Variants in RIPK1 observed in about 807,000 individuals in gnomAD.
RIPK1 encodes receptor-interacting serine/threonine-protein kinase 1.
In RIPK1, 27 loss-of-function variants were observed where a neutral mutation model predicts 62.4. The observed-to-expected ratio is 0.43, with a 90% CI of 0.32 to 0.60. The LOEUF (loss-of-function observed/expected upper bound fraction) is 0.60, where lower values mean the gene tolerates loss of function less well. Ranked by LOEUF, RIPK1 falls within the 20% of genes least tolerant of loss-of-function variation. The pLI, the probability that RIPK1 is intolerant of heterozygous loss-of-function variation, is 0.07. For missense variants in RIPK1, 735 were observed against 831.0 expected (o/e 0.88, Z 1.42); for synonymous variants, 287 against 303.2 (o/e 0.95, Z 0.55).
chr6:3,085,878 T>G (rs550160172), intron 6 of RIPK1, among the ~76,000 whole-genome samples: 1 of 152,368 alleles, frequency 6.6e-6, no homozygotes, highest in African/African-American at 2.4e-5. Flanking sequence ...CCACTTGGCA[T>G]GATGTCCTCG....
intron 1 of RIPK1, among the ~76,000 whole-genome samples, chr6:3,071,512 T>G (rs531453018): frequency 6.6e-6 from 1 of 152,350 alleles, no homozygotes. Flanking sequence ...CATGGCTTTG[T>G]AATAATATGG....
At chr6:3,102,642 C>A (rs1180469371) in intron 7 of RIPK1, among the ~76,000 whole-genome samples, 1 of 152,110 alleles carries the variant, frequency 6.6e-6, no homozygotes, top group African/African-American at 2.4e-5. Flanking sequence ...CCTCTGTTGC[C>A]CAGGCTGGAA....
chr6:3,065,102 A>G (rs1468270688), upstream of RIPK1, among the ~76,000 whole-genome samples: 3 of 148,356 alleles, frequency 2.0e-5, no homozygotes, highest in Non-Finnish European at 4.4e-5. Context: ...AAAAGAATAC[A>G]AAAAAATAGC....
chr6:3,110,950 T>C lies in RIPK1; in HGVS notation c.1724T>C (p.Ile575Thr). ...GAGCCAGCTGCTAAGTACCAAGCTA[T>C]CTTTGGTAAGATACCCTGGAAGGAC... ...KEEPAAKYQA[I>T]FDNTTSLTDK... Residue 575 changes from isoleucine (I) to threonine (T), a missense_variant, in exon 10 of 11, where the codon ATC (isoleucine) becomes ACC (threonine). By Grantham distance (89) the Ile-to-Thr change is moderately conservative. This residue lies in a region of RIPK1 where 671 missense variants were observed against 726.2 expected (regional missense o/e 0.92). Coordinates refer to ENST00000259808, the MANE Select transcript of RIPK1 (RefSeq NM_001354930.2). 1 of 1,610,088 alleles carries C rather than the reference T, an allele frequency of 6.2e-7. No individual in the cohort carries two copies. Among genetic ancestry groups the C allele is most frequent in the African/African-American group, 1.3e-5 (1 of 74,896 alleles).
chr6:3,071,916 C>T (rs1448029434), intron 1 of RIPK1, among the ~76,000 whole-genome samples: 1 of 152,190 alleles, frequency 6.6e-6, no homozygotes, highest in Non-Finnish European at 1.5e-5. Flanking sequence ...AAAGTAGAAA[C>T]CTTTTACTCA....
chr6:3,068,286 C>T (rs1447152173), upstream of RIPK1: 1 of 985,500 alleles, frequency 1.0e-6, no homozygotes, highest in Non-Finnish European at 1.2e-6. Context: ...CCTCCAGACC[C>T]TTCTCCCTCT....
intron 1 of RIPK1, among the ~76,000 whole-genome samples, chr6:3,073,819 T>G (rs966049713): frequency 2.0e-5 from 3 of 152,192 alleles, no homozygotes; most frequent in African/African-American, 7.2e-5. Flanking sequence ...CTTTTTTCAT[T>G]TTTTAACTCC....
chr6:3,069,394 G>A (rs1201789355), intron 1 of RIPK1, among the ~76,000 whole-genome samples: 2 of 152,114 alleles, frequency 1.3e-5, no homozygotes, highest in Non-Finnish European at 2.9e-5. Flanking sequence ...CCCTCTTGAG[G>A]GTTGGGAAGA....
At chr6:3,080,568 T>C (rs989818211) in intron 3 of RIPK1, among the ~76,000 whole-genome samples, 3 of 152,344 alleles carry the variant, frequency 2.0e-5, no homozygotes, top group Middle Eastern at 3.4e-3. Context: ...GTCCTTAATG[T>C]AAACTTAGTA....
chr6:3,082,993 TATGTATA>T (rs1382540230), intron 4 of RIPK1, 85 bp from the exon 5 acceptor site: 1 of 1,228,732 alleles, frequency 8.1e-7, no homozygotes, highest in Non-Finnish European at 1.2e-6. Context: ...TACCGTACCT[TATGTATA>T]ATGGATAAGC....
At chr6:3,080,412 A>C (rs1467662449) in intron 3 of RIPK1, among the ~76,000 whole-genome samples, 1 of 152,276 alleles carries the variant, frequency 6.6e-6, no homozygotes, top group Non-Finnish European at 1.5e-5. Context: ...CAGGTCATCA[A>C]ATAGATATTA....
In RIPK1 at chr6:3,081,044, A is replaced by G. The variant is rs1278114833; in HGVS notation, c.387A>G (p.Leu129=). 2 of 1,614,190 alleles carry G rather than the reference A, an allele frequency of 1.2e-6. No individual in the cohort carries two copies. Among genetic ancestry groups the G allele is most frequent in the Non-Finnish European group, 1.7e-6 (2 of 1,179,972 alleles). ...AAATCATTGAAGGAATGTGCTACTT[A>G]CATGGAAAAGGCGTGATACACAAGG... ...ILEIIEGMCY[L]HGKGVIHKDL... is the part of the protein sequence containing the mutation. The change falls in exon 4 of 11, where the codon TTA becomes TTG. Residue 129 remains leucine (L), a synonymous_variant. Transcript: ENST00000259808.
chr6:3,094,193 T>G (rs893307493), intron 7 of RIPK1, among the ~76,000 whole-genome samples: 1 of 139,912 alleles, frequency 7.1e-6, no homozygotes, highest in Non-Finnish European at 1.5e-5. Flanking sequence ...CTGCACCTAG[T>G]AACTGCAGAG....
intron 1 of RIPK1, among the ~76,000 whole-genome samples, chr6:3,069,906 G>A (rs1758610001): frequency 6.6e-6 from 1 of 152,186 alleles, no homozygotes; most frequent in African/African-American, 2.4e-5. Flanking sequence ...AGCTACGCGG[G>A]AGGCTGAGGC....
chr6:3,073,211 ATG>A (rs1489955302), intron 1 of RIPK1, among the ~76,000 whole-genome samples: 1 of 139,378 alleles, frequency 7.2e-6, no homozygotes, highest in African/African-American at 2.5e-5. Context: ...ACATACAAAT[ATG>A]TGTATATATA....
intron 6 of RIPK1, 97 bp downstream of exon 6, chr6:3,085,505 G>A: frequency 7.7e-7 from 1 of 1,294,606 alleles, no homozygotes; most frequent in African/African-American, 1.5e-5. Flanking sequence ...TCAGAAAACT[G>A]AGTTCGACTT....
intron 6 of RIPK1, among the ~76,000 whole-genome samples, chr6:3,086,218 G>C (rs1759683124): frequency 3.9e-5 from 6 of 152,218 alleles, no homozygotes; most frequent in Admixed American, 3.9e-4. Flanking sequence ...CTTGTTTCCA[G>C]TTCTTAACTG....
intron 7 of RIPK1, among the ~76,000 whole-genome samples, chr6:3,100,683 C>T (rs554078696): frequency 1.3e-5 from 2 of 151,950 alleles, no homozygotes; most frequent in South Asian, 2.1e-4. Context: ...CTCCACCTCC[C>T]GGGTTCAAGT....
At chr6:3,068,296 T>C, upstream of RIPK1, 1 of 985,498 alleles carries the variant, frequency 1.0e-6, no homozygotes, top group Non-Finnish European at 1.2e-6. Flanking sequence ...CTTCTCCCTC[T>C]CGTGCGCGCG....
Sources: allele counts gnomAD v4.1 joint callset (sites outside exome capture counted in the v4.1 genomes callset), GRCh38; gene constraint gnomAD v4.1.1; regional missense constraint gnomAD v4.1.1; transcripts MANE v1.5; gene names NCBI Gene and HGNC (gene_info 2026-07-23, HGNC 2026-07-21).